KY: variants seen among roughly 807,000 people sequenced by gnomAD.
The protein encoded by KY is kyphoscoliosis peptidase.
A neutral mutation model predicts 76.1 loss-of-function variants in KY; 43 were observed. That is an observed-to-expected ratio of 0.57 (90% CI 0.44 to 0.73). The LOEUF is 0.73. KY is among the 30% of genes least tolerant of loss of function. The pLI is 0.00. For synonymous variants in KY, 277 were observed against 326.2 expected, an observed-to-expected ratio of 0.85 and a Z score of 1.63; for missense variants, 722 against 828.9, an observed-to-expected ratio of 0.87 and a Z score of 1.58.
intron 9 of KY, among the ~76,000 whole-genome samples, chr3:134,609,562 A>G (rs761176141): frequency 2.2e-4 from 34 of 152,262 alleles, no homozygotes; most frequent in Admixed American, 5.2e-4. Context: ...GCTGCTGATA[A>G]CATCATGATC....
chr3:134,632,690 T>A (rs1486447369), intron 3 of KY, among the ~76,000 whole-genome samples: 1 of 151,766 alleles, frequency 6.6e-6, no homozygotes, highest in Admixed American at 6.6e-5. Flanking sequence ...GCTTCCATTT[T>A]AAGAAAGTAG....
intron 2 of KY, among the ~76,000 whole-genome samples, chr3:134,644,140 TA>T (rs1966141747): frequency 6.6e-6 from 1 of 152,120 alleles, no homozygotes; most frequent in South Asian, 2.1e-4. Flanking sequence ...TCCTGCTTCT[TA>T]ATGAGAAGAA....
chr3:134,604,055 T>A lies in KY; in HGVS notation c.1510A>T (p.Thr504Ser), dbSNP rs1959086102. 6.2e-7 allele frequency: 1 copy of A among 1,613,934 alleles called. No individual in the cohort carries two copies. The highest frequency in any genetic ancestry group is 1.3e-5 in the African/African-American group (1 of 75,034). ...ASLHGDDGPI[T>S]EETQRRYIFQ... ...ATGTAGCGCCGCTGTGTCTCCTCAG[T>A]GATGGGGCCATCATCCCCGTGGAGG... is the stretch of plus-strand genomic sequence containing the variant. The change falls in exon 11 of 11, where the codon ACT becomes TCT. Residue 504 changes from threonine (T) to serine (S), a missense_variant. By Grantham distance (58) the Thr-to-Ser change is moderately conservative. Around this residue, in one of 2 missense-constraint regions of KY, gnomAD observed 552 missense variants for 680.9 expected, o/e 0.81. Transcript: ENST00000423778.
chr3:134,610,171 A>G, intron 9 of KY, 24 bp downstream of exon 9: 7 of 1,599,976 alleles, frequency 4.4e-6, no homozygotes, highest in Non-Finnish European at 6.0e-6. Flanking sequence ...CCAGACGCCC[A>G]GCAGAACTGA....
In KY at chr3:134,650,838, C is replaced by T. The variant is rs745313504; in HGVS notation, c.123G>A (p.Leu41=). Residue 41 remains leucine (L), a synonymous_variant, in exon 1 of 11, where the codon CTG becomes CTA. Coordinates refer to ENST00000423778, the MANE Select transcript of KY (RefSeq NM_178554.6). ...GGCGCGCGTTACCTCCTCCGCGCTG[C>T]AGCAGCGAGCTCGGGTTCGCCTGCT... The part of the protein sequence containing the change: ...SDQQANPSSL[L]QRGGGFQGVG... The T allele has an allele frequency of 3.9e-5, 62 of 1,603,342 alleles. 2 individuals carry two copies. The South Asian group carries it at 5.1e-4, about 13-fold the overall frequency.
chr3:134,640,057 C>T (rs925761152), intron 3 of KY: 22 of 152,752 alleles, frequency 1.4e-4, no homozygotes, highest in African/African-American at 5.3e-4. Flanking sequence ...ACTACAGATC[C>T]ATCTCCAAAG....
chr3:134,627,000 C>T (rs1963545033), intron 5 of KY, among the ~76,000 whole-genome samples: 1 of 152,174 alleles, frequency 6.6e-6, no homozygotes, highest in South Asian at 2.1e-4. Context: ...CTCAGTATAG[C>T]TCTGCAAATG....
intron 3 of KY, 58 bp downstream of exon 3, chr3:134,643,258 G>T: frequency 6.5e-7 from 1 of 1,534,374 alleles, no homozygotes; most frequent in Non-Finnish European, 9.0e-7. Context: ...GCTGGCCAGA[G>T]CATCAGGTCT....
chr3:134,650,698 T>TG, intron 1 of KY, 127 bp downstream of exon 1: 1 of 820,622 alleles, frequency 1.2e-6, no homozygotes, highest in South Asian at 1.9e-5. Flanking sequence ...ACGGCAGCCA[T>TG]GGGGGAGAGG....
intron 8 of KY, among the ~76,000 whole-genome samples, chr3:134,618,257 C>T (rs1447606750): frequency 2.0e-5 from 3 of 152,070 alleles, no homozygotes; most frequent in South Asian, 2.1e-4. Context: ...CGGCAGCTGC[C>T]GCCTCTGCAA....
At chr3:134,637,412 A>G (rs1965121758) in intron 3 of KY, among the ~76,000 whole-genome samples, 2 of 152,316 alleles carry the variant, frequency 1.3e-5, no homozygotes, top group South Asian at 2.1e-4. Flanking sequence ...ATGCCTTGTG[A>G]AAAATGAATT....
Position 134,602,117 on chromosome 3 carries a change from G to A in KY, c.*1462C>T, listed in dbSNP as rs887333731. 4.6e-5 allele frequency among the ~76,000 whole-genome samples: 7 copies of A among 152,176 alleles called. No homozygotes were observed. The highest frequency in any genetic ancestry group is 7.4e-5 in the Non-Finnish European group (5 of 68,014). ...GCTGTGGGGAGAGGTGCCAGGCAGTGCTGGCTCTCAGGGGTTGGGGGGCAC... is the reference window on the plus strand; with the variant it reads ...GCTGTGGGGAGAGGTGCCAGGCAGTACTGGCTCTCAGGGGTTGGGGGGCAC... On this transcript the variant is annotated 3_prime_UTR_variant, in exon 11 of 11. Coordinates refer to ENST00000423778, the MANE Select transcript of KY (RefSeq NM_178554.6).
intron 6 of KY, among the ~76,000 whole-genome samples, chr3:134,621,173 A>G (rs62269596): frequency 6.6e-6 from 1 of 152,168 alleles, no homozygotes; most frequent in Non-Finnish European, 1.5e-5. Flanking sequence ...ATTTAACATA[A>G]TCCTTATCAA....
intron 3 of KY, among the ~76,000 whole-genome samples, chr3:134,640,550 C>T (rs1965618039): frequency 6.6e-6 from 1 of 152,142 alleles, no homozygotes; most frequent in Non-Finnish European, 1.5e-5. Context: ...TCCAAGAAGG[C>T]TTCTCTGGGG....
rs368520146 is a variant in KY, at chr3:134,603,307, A to G, written c.*272T>C. 7.1e-5 allele frequency: 24 copies of G among 340,050 alleles called. 1 individual carries two copies. The highest frequency in any genetic ancestry group is 4.4e-4 in the African/African-American group (21 of 47,590). 21.1% of individuals were successfully genotyped at this position (340,050 alleles called of 1,614,324 possible). Reference sequence around the variant, plus strand: ...AATACGAGAAGGGGCATCTGGATGCAGGTGTACAGTTTACAATACCTTAGA... The same window carrying G: ...AATACGAGAAGGGGCATCTGGATGCGGGTGTACAGTTTACAATACCTTAGA... On this transcript the variant is annotated 3_prime_UTR_variant, in exon 11 of 11. Coordinates refer to ENST00000423778, the MANE Select transcript of KY (RefSeq NM_178554.6).
intron 10 of KY, chr3:134,607,183 G>A (rs2107751370): frequency 1.0e-6 from 1 of 985,462 alleles, no homozygotes; most frequent in East Asian, 1.1e-4. Flanking sequence ...CCCTGCATCT[G>A]TTGTAAGCAC....
chr3:134,648,640 G>A (rs1486931367), intron 1 of KY, among the ~76,000 whole-genome samples: 1 of 152,114 alleles, frequency 6.6e-6, no homozygotes, highest in Non-Finnish European at 1.5e-5. Flanking sequence ...ACATCTGCTG[G>A]CTCTGCAGCC....
At chr3:134,605,239 T>A (rs1444143471) in intron 10 of KY, among the ~76,000 whole-genome samples, 1 of 152,120 alleles carries the variant, frequency 6.6e-6, no homozygotes, top group Non-Finnish European at 1.5e-5. Context: ...ACCTGCCTGG[T>A]CCCTCCTGGC....
rs750543533 is a variant in KY, at chr3:134,619,133, T to G, written c.710+15A>C. 6.2e-7 allele frequency: 1 copy of G among 1,603,074 alleles called. No individual in the cohort carries two copies. The highest frequency in any genetic ancestry group is 1.1e-5 in the South Asian group (1 of 90,816). On this transcript the variant is annotated intron_variant, in intron 8 of 10. Coordinates refer to ENST00000423778, the MANE Select transcript of KY (RefSeq NM_178554.6). ...TGGGTCCGGTGGTCAGCATGGGGAC[T>G]CCTGTCTCTCGTACCTGCACATTCT...
Sources: gnomAD v4.1 joint callset for allele counts (sites outside exome capture counted in the v4.1 genomes callset) on GRCh38, gnomAD v4.1.1 for gene constraint, gnomAD v4.1.1 regional missense constraint, MANE v1.5 for transcripts, NCBI Gene and HGNC (gene_info 2026-07-23, HGNC 2026-07-21) for gene names.